The following GRIK5 variants were observed in gnomAD, a reference collection of about 807,000 sequenced individuals.
The protein encoded by GRIK5 is glutamate ionotropic receptor kainate type subunit 5.
Under a neutral mutation model 97.4 loss-of-function variants are expected in GRIK5, and 43 were observed. The ratio of observed to expected loss-of-function variants is 0.44; its 90% CI spans 0.35 to 0.57. The LOEUF is 0.57. Ranked by LOEUF, GRIK5 falls within the 20% of genes least tolerant of loss-of-function variation. The probability of loss-of-function intolerance (pLI) is 0.01; values close to 1 mark genes in which losing one functional copy is unlikely to be tolerated. For synonymous variants in GRIK5, 580 were observed against 583.5 expected, an observed-to-expected ratio of 0.99 and a Z score of 0.09; for missense variants, 1,015 against 1,382.0, an observed-to-expected ratio of 0.73 and a Z score of 4.21.
At chr19:42,041,623 C>A (rs1335460661) in intron 12 of GRIK5, among the ~76,000 whole-genome samples, 1 of 152,130 alleles carries the variant, frequency 6.6e-6, no homozygotes, top group South Asian at 2.1e-4. Context: ...CCCTTGCCTG[C>A]CACCTCCCAT....
At chr19:42,012,013 A>G (rs527357473) in intron 15 of GRIK5, among the ~76,000 whole-genome samples, 1 of 152,258 alleles carries the variant, frequency 6.6e-6, no homozygotes, top group East Asian at 1.9e-4. Context: ...AAAGAGGAAA[A>G]GGGGAACAAA....
At chr19:42,043,397 C>T (rs2076003259) in intron 11 of GRIK5, among the ~76,000 whole-genome samples, 1 of 147,348 alleles carries the variant, frequency 6.8e-6, no homozygotes, top group African/African-American at 2.5e-5. Flanking sequence ...ACAGATGGTG[C>T]AATTTTTTTT....
At chr19:42,067,137 A>C (rs1303728812) in intron 1 of GRIK5, among the ~76,000 whole-genome samples, 1 of 152,128 alleles carries the variant, frequency 6.6e-6, no homozygotes, top group Non-Finnish European at 1.5e-5. Context: ...GTTTCCATGG[A>C]GTAGGGTTAC....
chr19:42,017,381 A>G (rs1033086108), intron 15 of GRIK5, among the ~76,000 whole-genome samples: 10 of 152,120 alleles, frequency 6.6e-5, no homozygotes, highest in Non-Finnish European at 1.3e-4. Flanking sequence ...TTTCCCCTTC[A>G]TATTGCAATT....
chr19:42,057,035 A>G, intron 6 of GRIK5, 57 bp from the exon 7 acceptor site: 6 of 1,305,270 alleles, frequency 4.6e-6, no homozygotes, highest in Non-Finnish European at 6.5e-6. Context: ...ACAGGCAGAG[A>G]TGGGGAGGAC....
intron 16 of GRIK5, 50 bp from the exon 17 acceptor site, chr19:42,005,998 T>G: frequency 1.1e-6 from 1 of 942,376 alleles, no homozygotes; most frequent in Non-Finnish European, 1.7e-6. Context: ...TCCAGCCGCT[T>G]CCTTTCCCCG....
At chr19:42,037,783 C>T (rs1380466849) in intron 12 of GRIK5, among the ~76,000 whole-genome samples, 1 of 152,074 alleles carries the variant, frequency 6.6e-6, no homozygotes, top group Non-Finnish European at 1.5e-5. Flanking sequence ...AAGAGCAGCC[C>T]ACGTCCAGTG....
In GRIK5 at chr19:42,006,571, G is replaced by T; in HGVS notation, c.2037+74C>A. Reference sequence around the variant, plus strand: ...CAGTCCCTCTGACCCAGGAGACCCTGCCCAGACCCATCCTGAGCTGCTTTG... The same window carrying T: ...CAGTCCCTCTGACCCAGGAGACCCTTCCCAGACCCATCCTGAGCTGCTTTG... On this transcript the variant is annotated intron_variant, in intron 16 of 19. Transcript: ENST00000593562. This position sits in a 1 kb window ranked among gnomAD's most constrained non-coding sequence, Gnocchi z 5.3. 4 of 1,364,088 alleles carry T rather than the reference G, an allele frequency of 2.9e-6. No individual in the cohort carries two copies. Among genetic ancestry groups the T allele is most frequent in the Non-Finnish European group, 4.2e-6 (4 of 963,790 alleles). The allele number at this position is 1,364,088 out of a possible 1,614,324, so 84.5% of individuals were successfully genotyped here. A position where few individuals can be genotyped will look rare whatever the true frequency, so the allele number is the denominator to read the frequency against.
intron 15 of GRIK5, among the ~76,000 whole-genome samples, chr19:42,007,787 A>G (rs1345697872): frequency 6.6e-6 from 1 of 152,182 alleles, no homozygotes; most frequent in Non-Finnish European, 1.5e-5. Context: ...AGCTCCCTGC[A>G]GCCAGAGTAG....
intron 15 of GRIK5, among the ~76,000 whole-genome samples, chr19:42,014,368 C>G (rs2075601228): frequency 6.6e-6 from 1 of 151,292 alleles, no homozygotes; most frequent in South Asian, 2.1e-4. Flanking sequence ...CACCACTGCA[C>G]TCCAGCCTAG....
chr19:42,034,216 C>T (rs973840238), intron 12 of GRIK5, among the ~76,000 whole-genome samples: 1 of 152,026 alleles, frequency 6.6e-6, no homozygotes, highest in Admixed American at 6.6e-5. Flanking sequence ...CAAAAACCAG[C>T]CAGGCGTGAT....
intron 3 of GRIK5, among the ~76,000 whole-genome samples, chr19:42,063,981 C>G (rs1237492569): frequency 6.6e-6 from 1 of 152,214 alleles, no homozygotes; most frequent in African/African-American, 2.4e-5. Flanking sequence ...GTAAGGGCCC[C>G]ACCATTCACA....
intron 12 of GRIK5, among the ~76,000 whole-genome samples, chr19:42,030,505 C>A (rs573215586): frequency 1.3e-5 from 2 of 152,220 alleles, no homozygotes; most frequent in African/African-American, 4.8e-5. Context: ...GTCACCCAGG[C>A]TGGAGTCCAG....
intron 11 of GRIK5, among the ~76,000 whole-genome samples, chr19:42,043,857 CTA>C (rs1157372702): frequency 2.6e-5 from 4 of 152,148 alleles, no homozygotes; most frequent in Non-Finnish European, 5.9e-5. Flanking sequence ...CTGCAGTGAG[CTA>C]TGACTGTACC....
chr19:42,063,178 G>A (rs2076284013), intron 3 of GRIK5: 1 of 487,698 alleles, frequency 2.1e-6, no homozygotes, highest in Admixed American at 2.3e-5. Flanking sequence ...AGCCACTGTT[G>A]TTCTCAACCT....
In GRIK5 at chr19:42,050,387, C is replaced by T. The variant is rs1158596317; in HGVS notation, c.1269+3215G>A. ...ATAATGGAGGCAATGTGGCCTGGCA[C>T]GGTGGCTCACGCCTGTAATCCCAGC... On this transcript the variant is annotated intron_variant, in intron 11 of 19. Coordinates refer to ENST00000593562, the MANE Select transcript of GRIK5 (RefSeq NM_002088.5). Among the ~76,000 whole-genome samples, 3 of 151,342 alleles carry T rather than the reference C, an allele frequency of 2.0e-5. No individual in the cohort carries two copies. In the East Asian group the frequency reaches 5.9e-4, roughly 30 times the overall value.
At chr19:42,057,668 G>A (rs1444175954) in intron 6 of GRIK5, among the ~76,000 whole-genome samples, 2 of 152,098 alleles carry the variant, frequency 1.3e-5, no homozygotes, top group Non-Finnish European at 2.9e-5. Context: ...GCCCAGCAGA[G>A]AGGAGAGCCT....
Position 42,069,900 on chromosome 19 carries a change from C to T in GRIK5, c.-710G>A, listed in dbSNP as rs936301529. On this transcript the variant is annotated 5_prime_UTR_variant, in exon 1 of 20. Transcript: ENST00000593562. ...GGGGAGGATGGAGAGCTGGGAGACCCGGAGAGGCCAAGAAGGGGGCAAATG... is the reference window on the plus strand; with the variant it reads ...GGGGAGGATGGAGAGCTGGGAGACCTGGAGAGGCCAAGAAGGGGGCAAATG... 2.6e-5 allele frequency among the ~76,000 whole-genome samples: 4 copies of T among 152,004 alleles called. 1 individual carries two copies. Among genetic ancestry groups the T allele is most frequent in the South Asian group, 4.1e-4 (2 of 4,824 alleles).
intron 12 of GRIK5, among the ~76,000 whole-genome samples, chr19:42,037,976 C>T (rs1251496168): frequency 1.3e-5 from 2 of 152,202 alleles, no homozygotes; most frequent in Admixed American, 1.3e-4. Flanking sequence ...CAGGGGCACG[C>T]CATCACACCT....
Sources: gnomAD v4.1 joint callset for allele counts (sites outside exome capture counted in the v4.1 genomes callset) on GRCh38, gnomAD v4.1.1 for gene constraint, Gnocchi (gnomAD v3.1) non-coding constraint, MANE v1.5 for transcripts, NCBI Gene and HGNC (gene_info 2026-07-23, HGNC 2026-07-21) for gene names.